The following UBE2QL1 variants were observed in gnomAD, a reference collection of about 807,000 sequenced individuals.
UBE2QL1 encodes ubiquitin conjugating enzyme E2 QL1.
UBE2QL1 carries 5 observed loss-of-function variants against 12.6 expected under a neutral mutation model. The observed-to-expected ratio is 0.40, with a 90% CI of 0.21 to 0.83. The LOEUF is 0.83. Ranked by LOEUF, UBE2QL1 falls within the 40% of genes least tolerant of loss-of-function variation. The pLI is 0.37. For synonymous variants in UBE2QL1, 96 were observed against 94.5 expected (o/e 1.02, Z -0.10); for missense variants, 99 against 222.6 (o/e 0.44, Z 3.53).
intron 1 of UBE2QL1, among the ~76,000 whole-genome samples, chr5:6,469,104 T>C (rs1161707984): frequency 6.6e-6 from 1 of 152,194 alleles, no homozygotes; most frequent in East Asian, 1.9e-4. Flanking sequence ...AATCTTGAAC[T>C]CTGCAAGAGC....
At position 6,481,520 on chromosome 5, in the gene UBE2QL1, G is replaced by C. The variant is rs558962295; in HGVS notation, c.355-9698G>C. Among the ~76,000 whole-genome samples, 25 of 152,298 alleles carry C rather than the reference G, an allele frequency of 1.6e-4. No homozygotes were observed. Among genetic ancestry groups the C allele is most frequent in the Middle Eastern group, 3.4e-3 (1 of 294 alleles). On this transcript the variant is annotated intron_variant, in intron 1 of 1. Coordinates refer to ENST00000399816, the MANE Select transcript of UBE2QL1 (RefSeq NM_001145161.3). The surrounding 1 kb of genome is among the most constrained non-coding windows in gnomAD (Gnocchi z 4.5). ...CAGAACCACATCATTTAGGTTCCCT[G>C]GTGTGAGCTCCCACCACTATACCCA...
chr5:6,469,936 T>C (rs1284134639), intron 1 of UBE2QL1, among the ~76,000 whole-genome samples: 1 of 152,128 alleles, frequency 6.6e-6, no homozygotes, highest in East Asian at 1.9e-4. Flanking sequence ...CACCCCTCTG[T>C]GATGAGAGTG....
intron 1 of UBE2QL1, among the ~76,000 whole-genome samples, chr5:6,470,080 C>T (rs1291195490): frequency 1.3e-5 from 2 of 152,076 alleles, no homozygotes; most frequent in East Asian, 3.9e-4. Context: ...CAACACTGAA[C>T]GCAGAGCTCC....
intron 1 of UBE2QL1, among the ~76,000 whole-genome samples, chr5:6,458,387 T>C (rs925289268): frequency 1.3e-5 from 2 of 152,188 alleles, no homozygotes; most frequent in South Asian, 2.1e-4. Flanking sequence ...GAAGGGTAAT[T>C]CTCATTTTTT....
intron 1 of UBE2QL1, among the ~76,000 whole-genome samples, chr5:6,470,523 C>T (rs531393662): frequency 4.6e-5 from 7 of 151,770 alleles, no homozygotes; most frequent in African/African-American, 1.5e-4. Flanking sequence ...TGCACACACA[C>T]GTGTGCACAC....
Position 6,463,772 on chromosome 5 carries a change from C to T in UBE2QL1, c.354+14525C>T, listed in dbSNP as rs997306625. On this transcript the variant is annotated intron_variant, in intron 1 of 1. Transcript: ENST00000399816. ...CCTCCCGAGTAGCTGGGACTACAGG[C>T]GCCCGCCACCATGCCTGGCTAATTT... Among the ~76,000 whole-genome samples the T allele has an allele frequency of 1.2e-4, 18 of 150,456 alleles. No homozygotes were observed. In the East Asian group the frequency reaches 2.4e-3, roughly 20 times the overall value.
Position 6,449,116 on chromosome 5 carries a change from C to A in UBE2QL1, c.223C>A (p.Arg75Ser). The A allele has an allele frequency of 6.5e-7, 1 of 1,547,216 alleles. No homozygotes were observed. Among genetic ancestry groups the A allele is most frequent in the Non-Finnish European group, 8.7e-7 (1 of 1,145,128 alleles). Residue 75 changes from arginine (R) to serine (S), a missense_variant, in exon 1 of 2, where the codon CGC becomes AGC. Arg to Ser is a moderately radical substitution (Grantham distance 110, BLOSUM62 -1). Coordinates refer to ENST00000399816, the MANE Select transcript of UBE2QL1 (RefSeq NM_001145161.3). ...GCCCTTCATGCGGGTGCTCAGCCCG[C>A]GCCTGGAGAACGGCTACGTGCTGGA... is the stretch of plus-strand genomic sequence containing the variant. ...SPPFMRVLSP[R>S]LENGYVLDGG... is the part of the protein sequence containing the mutation.
chr5:6,480,928 C>T (rs1230411953), intron 1 of UBE2QL1, among the ~76,000 whole-genome samples: 1 of 152,102 alleles, frequency 6.6e-6, no homozygotes, highest in African/African-American at 2.4e-5. Flanking sequence ...TTTCATAAAC[C>T]TCTGGGGGTT....
intron 1 of UBE2QL1, among the ~76,000 whole-genome samples, chr5:6,463,614 T>TTAA (rs1739721225): frequency 6.8e-6 from 1 of 146,508 alleles, no homozygotes; most frequent in Non-Finnish European, 1.5e-5. Context: ...ATTATTATTA[T>TTAA]TATTATTATT....
At chr5:6,490,549 C>T (rs1297785947) in intron 1 of UBE2QL1, among the ~76,000 whole-genome samples, 1 of 152,224 alleles carries the variant, frequency 6.6e-6, no homozygotes, top group Non-Finnish European at 1.5e-5. Context: ...CCTGCCCTGA[C>T]CTCTACCCTC....
chr5:6,489,805 T>C (rs1734533522), intron 1 of UBE2QL1, among the ~76,000 whole-genome samples: 2 of 152,220 alleles, frequency 1.3e-5, no homozygotes, highest in East Asian at 3.9e-4. Flanking sequence ...CCATATGGCT[T>C]CTGCCCTCTA....
intron 1 of UBE2QL1, among the ~76,000 whole-genome samples, chr5:6,473,496 C>G (rs1484332113): frequency 6.6e-6 from 1 of 152,196 alleles, no homozygotes; most frequent in Non-Finnish European, 1.5e-5. Context: ...ACCCACTGGC[C>G]AGAACTGGCC....
At chr5:6,455,087 A>G (rs1739491964) in intron 1 of UBE2QL1, among the ~76,000 whole-genome samples, 1 of 152,186 alleles carries the variant, frequency 6.6e-6, no homozygotes, top group Non-Finnish European at 1.5e-5. Context: ...CTGAACTTGC[A>G]GGAAGAGGGT....
intron 1 of UBE2QL1, among the ~76,000 whole-genome samples, chr5:6,486,263 A>T (rs1355502077): frequency 3.3e-5 from 5 of 152,116 alleles, no homozygotes; most frequent in Admixed American, 3.3e-4. Flanking sequence ...ATTTGAAGCC[A>T]GGTCTACTGA....
chr5:6,463,488 C>T (rs557031634), intron 1 of UBE2QL1, among the ~76,000 whole-genome samples: 3 of 152,042 alleles, frequency 2.0e-5, no homozygotes, highest in African/African-American at 4.8e-5. Flanking sequence ...TGCAAACGCC[C>T]TTGATTTTTT....
chr5:6,463,658 T>C (rs1051252524), intron 1 of UBE2QL1, among the ~76,000 whole-genome samples: 1 of 148,780 alleles, frequency 6.7e-6, no homozygotes, highest in Non-Finnish European at 1.5e-5. Context: ...TGCGGAGTCT[T>C]GCTCTGTCGC....
At position 6,492,780 on chromosome 5, in the gene UBE2QL1, C is replaced by T. The variant is rs1441284753; in HGVS notation, c.*1431C>T. 6.6e-6 allele frequency: 1 copy of T among 152,208 alleles called. No individual in the cohort carries two copies. Among genetic ancestry groups the T allele is most frequent in the African/African-American group, 2.4e-5 (1 of 41,454 alleles). The allele number at this position is 152,208 out of a possible 1,614,324, so 9.4% of individuals were successfully genotyped here. On this transcript the variant is annotated 3_prime_UTR_variant, in exon 2 of 2. Transcript: ENST00000399816. ...CAAAAATTCAGTAGATTGAAATAGT[C>T]CCCAGAAGCAGCCAAGGAGCTGAAG...
At chr5:6,482,148 G>A (rs958200721) in intron 1 of UBE2QL1, among the ~76,000 whole-genome samples, 3 of 152,188 alleles carry the variant, frequency 2.0e-5, no homozygotes, top group Non-Finnish European at 2.9e-5. Context: ...AGATTAGAGC[G>A]CTGTGCCAAC....
chr5:6,449,868 A>ACCCCCCCCCCCCCCCCCC (rs5865654), intron 1 of UBE2QL1, among the ~76,000 whole-genome samples: 2 of 117,184 alleles, frequency 1.7e-5, no homozygotes, highest in East Asian at 2.6e-4. Context: ...CACCTCCCCA[A>ACCCCCCCCCCCCCCCCCC]CCCCCCCCAC....
Sources: gnomAD v4.1 joint callset for allele counts (sites outside exome capture counted in the v4.1 genomes callset) on GRCh38, gnomAD v4.1.1 for gene constraint, Gnocchi (gnomAD v3.1) non-coding constraint, MANE v1.5 for transcripts, NCBI Gene and HGNC (gene_info 2026-07-23, HGNC 2026-07-21) for gene names.